Variants in COL25A1 observed in about 807,000 individuals in gnomAD.
COL25A1 encodes collagen type XXV alpha 1 chain.
A neutral mutation model predicts 128.4 loss-of-function variants in COL25A1; 103 were observed. That is an observed-to-expected ratio of 0.80 (90% CI 0.68 to 0.94). The LOEUF (loss-of-function observed/expected upper bound fraction) is 0.94. Among genes scored for constraint, COL25A1 ranks in the 40% least tolerant of loss-of-function variants. COL25A1 has a pLI of 0.00. For synonymous variants in COL25A1, 279 were observed against 277.2 expected, an observed-to-expected ratio of 1.01 and a Z score of -0.06; for missense variants, 745 against 840.0, an observed-to-expected ratio of 0.89 and a Z score of 1.40.
At chr4:109,218,117 G>A (rs1270847556) in intron 3 of COL25A1, among the ~76,000 whole-genome samples, 1 of 152,094 alleles carries the variant, frequency 6.6e-6, no homozygotes, top group African/African-American at 2.4e-5. Flanking sequence ...CTCACTTATA[G>A]ACATTACTGA....
At chr4:108,941,506 G>T in intron 8 of COL25A1, 69 bp from the exon 9 acceptor site, 1 of 1,109,910 alleles carries the variant, frequency 9.0e-7, no homozygotes, top group Non-Finnish European at 1.4e-6. Context: ...ACATCAGAAG[G>T]CCCCAAGAAA....
chr4:108,938,228 T>C (rs1747669789), intron 10 of COL25A1, among the ~76,000 whole-genome samples: 1 of 152,166 alleles, frequency 6.6e-6, no homozygotes, highest in African/African-American at 2.4e-5. Context: ...AGTAACATGT[T>C]TCATTAAATT....
Position 108,862,652 on chromosome 4 carries a change from CTTTAT to C in COL25A1, c.1153-112_1153-108del, listed in dbSNP as rs1290580002. On this transcript the variant is annotated intron_variant, in intron 21 of 37. Transcript: ENST00000399132. ...AGAATAATGAAGAAAAATGGAAACA[CTTTAT>C]TTTAACTGCCTCAATATATGGCTCT... 25 of 902,350 alleles carry C rather than the reference CTTTAT, an allele frequency of 2.8e-5. No individual in the cohort carries two copies. The East Asian group carries it at 3.9e-4, about 14-fold the overall frequency. 55.9% of individuals were successfully genotyped at this position (902,350 alleles called of 1,614,324 possible). A position where few individuals can be genotyped will look rare whatever the true frequency, so the allele number is the denominator to read the frequency against.
chr4:109,082,175 T>C (rs1763907263), intron 3 of COL25A1, among the ~76,000 whole-genome samples: 3 of 152,234 alleles, frequency 2.0e-5, no homozygotes, highest in South Asian at 2.1e-4. Flanking sequence ...TTCCATTGTA[T>C]GCAAATACAA....
intron 3 of COL25A1, among the ~76,000 whole-genome samples, chr4:109,146,573 C>A (rs1770962644): frequency 6.6e-6 from 1 of 152,194 alleles, no homozygotes; most frequent in Non-Finnish European, 1.5e-5. Flanking sequence ...CCAATTAGAA[C>A]TTCCTGCTCT....
At chr4:108,937,385 C>T (rs185306366) in intron 11 of COL25A1, among the ~76,000 whole-genome samples, 13 of 151,914 alleles carry the variant, frequency 8.6e-5, no homozygotes, top group East Asian at 1.9e-4. Flanking sequence ...GATTTTTCTC[C>T]GGGTAGAGAT....
chr4:109,247,181 T>C (rs913883096), intron 3 of COL25A1, among the ~76,000 whole-genome samples: 17 of 152,090 alleles, frequency 1.1e-4, no homozygotes, highest in Admixed American at 6.5e-4. Flanking sequence ...CTGGCCAACA[T>C]GGTAAAACCC....
At chr4:108,863,773 T>C (rs964195834) in intron 20 of COL25A1, among the ~76,000 whole-genome samples, 2 of 152,156 alleles carry the variant, frequency 1.3e-5, no homozygotes, top group African/African-American at 2.4e-5. Flanking sequence ...AGGCAAACTC[T>C]CTCTTCCGCA....
chr4:108,814,431 G>C (rs1275264154), intron 37 of COL25A1, among the ~76,000 whole-genome samples: 4 of 152,096 alleles, frequency 2.6e-5, no homozygotes, highest in Admixed American at 2.6e-4. Context: ...CCTTCCTTTT[G>C]CAAGCCTTGC....
chr4:108,875,800 T>C (rs1739379208), intron 19 of COL25A1, among the ~76,000 whole-genome samples: 1 of 152,100 alleles, frequency 6.6e-6, no homozygotes. Context: ...TAGCAAAGAC[T>C]TGGAACCAAC....
At chr4:109,289,886 TG>T (rs111758138) in intron 3 of COL25A1, among the ~76,000 whole-genome samples, 14,502 of 152,076 alleles carry the variant, frequency 0.095, 1,995 homozygotes, top group African/African-American at 0.3. Flanking sequence ...TATTTACTCT[TG>T]GTTTTTTAGG....
At chr4:109,233,839 T>C (rs1043535924) in intron 3 of COL25A1, among the ~76,000 whole-genome samples, 1 of 152,130 alleles carries the variant, frequency 6.6e-6, no homozygotes, top group Admixed American at 6.6e-5. Context: ...TACTGCTTGA[T>C]AGGTACAACT....
chr4:109,003,806 A>G (rs1172655221), intron 6 of COL25A1, among the ~76,000 whole-genome samples: 1 of 152,050 alleles, frequency 6.6e-6, no homozygotes, highest in African/African-American at 2.4e-5. Context: ...TCTCAAAAAC[A>G]AAAACAAAAA....
chr4:109,183,252 T>C (rs1392843288), intron 3 of COL25A1, among the ~76,000 whole-genome samples: 3 of 151,958 alleles, frequency 2.0e-5, no homozygotes, highest in Non-Finnish European at 4.4e-5. Context: ...TATCAAAGAC[T>C]CTGATGCTTT....
At chr4:109,151,103 A>G (rs1345149507) in intron 3 of COL25A1, among the ~76,000 whole-genome samples, 1 of 152,180 alleles carries the variant, frequency 6.6e-6, no homozygotes, top group African/African-American at 2.4e-5. Context: ...TATTAATGGT[A>G]TTTATCACTT....
At chr4:109,011,514 G>C (rs1414240380) in intron 5 of COL25A1, among the ~76,000 whole-genome samples, 1 of 152,316 alleles carries the variant, frequency 6.6e-6, no homozygotes, top group East Asian at 1.9e-4. Context: ...GAGAGAGAGA[G>C]AAAGAGAATA....
intron 3 of COL25A1, among the ~76,000 whole-genome samples, chr4:109,196,643 A>T (rs1031280269): frequency 6.6e-6 from 1 of 152,208 alleles, no homozygotes; most frequent in Non-Finnish European, 1.5e-5. Context: ...AGCTCAGTGT[A>T]AAAAGAAGCC....
chr4:108,946,439 TG>T (rs1748761865), intron 8 of COL25A1, among the ~76,000 whole-genome samples: 1 of 152,242 alleles, frequency 6.6e-6, no homozygotes, highest in Admixed American at 6.5e-5. Context: ...TTCTAAACTT[TG>T]TCATTACGCA....
intron 3 of COL25A1, among the ~76,000 whole-genome samples, chr4:109,275,201 T>G (rs894708386): frequency 6.6e-6 from 1 of 152,130 alleles, no homozygotes; most frequent in Non-Finnish European, 1.5e-5. Context: ...AAGGCGTGCA[T>G]GTAGCATGGC....
Sources: allele counts gnomAD v4.1 joint callset (sites outside exome capture counted in the v4.1 genomes callset), GRCh38; gene constraint gnomAD v4.1.1; transcripts MANE v1.5; gene names NCBI Gene and HGNC (gene_info 2026-07-23, HGNC 2026-07-21).